Variants in SRBD1 observed in about 807,000 individuals in gnomAD.
SRBD1 encodes S1 RNA-binding domain-containing protein 1.
A neutral mutation model predicts 115.3 loss-of-function variants in SRBD1; 88 were observed. That is an observed-to-expected ratio of 0.76 (90% CI 0.64 to 0.91). The LOEUF (loss-of-function observed/expected upper bound fraction) is 0.91, where lower values mean the gene tolerates loss of function less well. Among genes scored for constraint, SRBD1 ranks in the 40% least tolerant of loss-of-function variants. The pLI is 0.00. For missense variants in SRBD1, 1,385 were observed against 1,177.4 expected (o/e 1.18, Z -2.58); for synonymous variants, 509 against 407.7 (o/e 1.25, Z -2.99).
At chr2:45,470,058 G>A (rs1192960201) in intron 16 of SRBD1, among the ~76,000 whole-genome samples, 1 of 152,152 alleles carries the variant, frequency 6.6e-6, no homozygotes, top group Non-Finnish European at 1.5e-5. Flanking sequence ...CCGGGCATGG[G>A]ACAGACTCTT....
chr2:45,396,763 G>C (rs1476985452), intron 19 of SRBD1, among the ~76,000 whole-genome samples: 5 of 152,136 alleles, frequency 3.3e-5, no homozygotes, highest in African/African-American at 1.2e-4. Flanking sequence ...CATGACTTCA[G>C]ACATGGCCAT....
chr2:45,422,956 T>A (rs140166816), intron 16 of SRBD1, among the ~76,000 whole-genome samples: 1 of 152,216 alleles, frequency 6.6e-6, no homozygotes, highest in African/African-American at 2.4e-5. Context: ...ACTACCAGAT[T>A]TGGAAGTGTT....
intron 14 of SRBD1, among the ~76,000 whole-genome samples, chr2:45,490,052 G>A (rs1382778728): frequency 1.3e-5 from 2 of 152,080 alleles, no homozygotes; most frequent in Non-Finnish European, 2.9e-5. Flanking sequence ...TAACTTCAGA[G>A]ACCAGCTTCA....
In SRBD1 at chr2:45,440,465, C is replaced by G. The variant is rs746107816; in HGVS notation, c.2050-20571G>C. Among the ~76,000 whole-genome samples, 36 of 152,092 alleles carry G rather than the reference C, an allele frequency of 2.4e-4. 1 individual carries two copies. The highest frequency in any genetic ancestry group is 2.0e-3 in the Admixed American group (30 of 15,270). On this transcript the variant is annotated intron_variant, in intron 16 of 20. Transcript: ENST00000263736. ...AGTACCTTGCACTATTCTAATTTACCATAAACAAAGAAAACATTAGTATAT... is the reference window on the plus strand; with the variant it reads ...AGTACCTTGCACTATTCTAATTTACGATAAACAAAGAAAACATTAGTATAT...
intron 16 of SRBD1, among the ~76,000 whole-genome samples, chr2:45,456,782 G>C (rs537564028): frequency 6.6e-6 from 1 of 151,860 alleles, no homozygotes; most frequent in Non-Finnish European, 1.5e-5. Flanking sequence ...GGAATGCTAA[G>C]TGAATTAATT....
intron 16 of SRBD1, among the ~76,000 whole-genome samples, chr2:45,420,913 T>C (rs1379859827): frequency 6.6e-6 from 1 of 152,240 alleles, no homozygotes; most frequent in East Asian, 1.9e-4. Context: ...GTGCACAACG[T>C]GCAGGTTTGT....
At position 45,577,350 on chromosome 2, in the gene SRBD1, G is replaced by A. The variant is rs190876451; in HGVS notation, c.1072+2525C>T. Among the ~76,000 whole-genome samples the A allele has an allele frequency of 2.1e-3, 317 of 152,304 alleles. 3 individuals are homozygous for A. The highest frequency in any genetic ancestry group is 7.1e-3 in the African/African-American group (293 of 41,552). ...GATGTTCCAAAAGTTTAGCACCTCA[G>A]TTAAATCAGGAGGAAATATGGTACA... On this transcript the variant is annotated intron_variant, in intron 7 of 20. Coordinates refer to ENST00000263736, the MANE Select transcript of SRBD1 (RefSeq NM_018079.5).
At chr2:45,400,735 T>G (rs960768958) in intron 19 of SRBD1, among the ~76,000 whole-genome samples, 5 of 152,100 alleles carry the variant, frequency 3.3e-5, no homozygotes, top group African/African-American at 1.2e-4. Context: ...GTGCTAAGTA[T>G]TCTACATATA....
intron 14 of SRBD1, among the ~76,000 whole-genome samples, chr2:45,488,860 G>T (rs1192313958): frequency 7.0e-6 from 1 of 142,874 alleles, no homozygotes; most frequent in Non-Finnish European, 1.5e-5. Flanking sequence ...ACCACAACAT[G>T]AAAAAAAAAA....
intron 9 of SRBD1, chr2:45,569,451 C>T (rs1254083337): frequency 6.6e-6 from 1 of 152,160 alleles, no homozygotes; most frequent in Non-Finnish European, 1.5e-5. Context: ...GCCTCAGGGT[C>T]CTGAGTAGCT....
intron 14 of SRBD1, among the ~76,000 whole-genome samples, chr2:45,527,854 A>G (rs1299156934): frequency 6.6e-6 from 1 of 151,826 alleles, no homozygotes; most frequent in Admixed American, 6.6e-5. Context: ...AACACATTCA[A>G]AGAACTAAAT....
chr2:45,508,862 C>T (rs374829958), intron 14 of SRBD1, among the ~76,000 whole-genome samples: 2 of 151,794 alleles, frequency 1.3e-5, no homozygotes, highest in Non-Finnish European at 2.9e-5. Context: ...CTTCATGAAA[C>T]GAATTATTTA....
intron 19 of SRBD1, among the ~76,000 whole-genome samples, chr2:45,402,028 A>T (rs1667305155): frequency 1.3e-5 from 2 of 152,126 alleles, no homozygotes; most frequent in Admixed American, 1.3e-4. Context: ...AGAGACTGAG[A>T]TATGCCCACT....
chr2:45,509,392 C>A (rs1337226938), intron 14 of SRBD1, among the ~76,000 whole-genome samples: 2 of 151,970 alleles, frequency 1.3e-5, no homozygotes, highest in Non-Finnish European at 2.9e-5. Context: ...GTCAGGAGAT[C>A]GAGACCATCC....
intron 16 of SRBD1, among the ~76,000 whole-genome samples, chr2:45,435,515 C>A (rs1368131407): frequency 2.0e-5 from 3 of 150,620 alleles, no homozygotes; most frequent in Non-Finnish European, 4.4e-5. Context: ...AAATACTAAG[C>A]TGCACATACC....
At chr2:45,398,560 T>G (rs143119463) in intron 19 of SRBD1, among the ~76,000 whole-genome samples, 7 of 152,336 alleles carry the variant, frequency 4.6e-5, no homozygotes, top group Admixed American at 4.6e-4. Flanking sequence ...GCATGTTGCA[T>G]TCATTGTATG....
At chr2:45,487,105 C>T (rs1411977396) in intron 15 of SRBD1, among the ~76,000 whole-genome samples, 3 of 152,136 alleles carry the variant, frequency 2.0e-5, no homozygotes, top group Non-Finnish European at 1.5e-5. Flanking sequence ...AGGGAAACTA[C>T]AAGCTCTTTT....
At chr2:45,530,328 T>C (rs192550971) in intron 14 of SRBD1, among the ~76,000 whole-genome samples, 40 of 152,142 alleles carry the variant, frequency 2.6e-4, no homozygotes, top group Non-Finnish European at 4.7e-4. Flanking sequence ...AATTAATATA[T>C]TTGAATGACA....
chr2:45,431,880 C>T (rs1476133106), intron 16 of SRBD1, among the ~76,000 whole-genome samples: 1 of 152,164 alleles, frequency 6.6e-6, no homozygotes, highest in African/African-American at 2.4e-5. Context: ...TTTAAAAACT[C>T]TTCTAGCAGC....
Sources: gnomAD v4.1 joint callset for allele counts (sites outside exome capture counted in the v4.1 genomes callset) on GRCh38, gnomAD v4.1.1 for gene constraint, MANE v1.5 for transcripts, NCBI Gene and HGNC (gene_info 2026-07-23, HGNC 2026-07-21) for gene names.